VPS13A: variants seen among roughly 807,000 people sequenced by gnomAD.
VPS13A encodes vacuolar protein sorting 13 homolog A, also known as intermembrane lipid transfer protein VPS13A.
In VPS13A, 264 loss-of-function variants were observed where a neutral mutation model predicts 390.9. That is an observed-to-expected ratio of 0.68 (90% CI 0.61 to 0.75). VPS13A has a LOEUF of 0.75. VPS13A is among the 30% of genes least tolerant of loss of function. VPS13A has a pLI of 0.00. For missense variants in VPS13A, 3,409 were observed against 3,733.9 expected, an observed-to-expected ratio of 0.91 and a Z score of 2.27; for synonymous variants, 1,231 against 1,227.1, an observed-to-expected ratio of 1.00 and a Z score of -0.07.
At chr9:77,213,928 C>T (rs1826112400) in intron 9 of VPS13A, among the ~76,000 whole-genome samples, 1 of 151,996 alleles carries the variant, frequency 6.6e-6, no homozygotes. Flanking sequence ...TTTAAAATTG[C>T]TTTTAAACAT....
Position 77,420,643 on chromosome 9 carries a change from A to G in VPS13A, c.*4637A>G, listed in dbSNP as rs1036321577. 2 of 152,218 alleles carry G rather than the reference A, an allele frequency of 1.3e-5. No individual in the cohort carries two copies. Among genetic ancestry groups the G allele is most frequent in the African/African-American group, 4.8e-5 (2 of 41,450 alleles). 9.4% of individuals were successfully genotyped at this position (152,218 alleles called of 1,614,324 possible). On this transcript the variant is annotated 3_prime_UTR_variant, in exon 72 of 72. Coordinates refer to ENST00000360280, the MANE Select transcript of VPS13A (RefSeq NM_033305.3). Reference sequence around the variant, plus strand: ...CTATGATGATAGATATCACACTGCTATGATAGAAAATCCCTGTCTGTCATT... The same window carrying G: ...CTATGATGATAGATATCACACTGCTGTGATAGAAAATCCCTGTCTGTCATT...
intron 23 of VPS13A, 70 bp downstream of exon 23, chr9:77,260,294 C>T (rs1344929834): frequency 4.0e-6 from 6 of 1,506,122 alleles, no homozygotes; most frequent in Non-Finnish European, 5.4e-6. Context: ...CAAACAATCA[C>T]AGGAATTTTA....
At position 77,193,612 on chromosome 9, in the gene VPS13A, C is replaced by T. The variant is rs536972889; in HGVS notation, c.101-6333C>T. ...TCATGCCACTGCACTCCAGCCTGGG[C>T]GACAGGGCAAAACTCTCTCTTCAAA... is the stretch of plus-strand genomic sequence containing the variant. On this transcript the variant is annotated intron_variant, in intron 1 of 71. Transcript: ENST00000360280. Among the ~76,000 whole-genome samples, 5 of 152,166 alleles carry T rather than the reference C, an allele frequency of 3.3e-5. No homozygotes were observed. In the East Asian group the frequency reaches 9.6e-4, roughly 29 times the overall value.
chr9:77,277,324 G>T (rs775198511), intron 26 of VPS13A, among the ~76,000 whole-genome samples: 18 of 152,130 alleles, frequency 1.2e-4, no homozygotes, highest in Non-Finnish European at 2.6e-4. Context: ...AAGGTACAGA[G>T]ATTTCCCATA....
At chr9:77,401,867 G>A (rs1235906702) in intron 68 of VPS13A, among the ~76,000 whole-genome samples, 1 of 152,038 alleles carries the variant, frequency 6.6e-6, no homozygotes, top group African/African-American at 2.4e-5. Flanking sequence ...TTTTATTACA[G>A]TATAATTGTT....
At chr9:77,213,585 C>T (rs1439173948) in intron 9 of VPS13A, among the ~76,000 whole-genome samples, 1 of 151,164 alleles carries the variant, frequency 6.6e-6, no homozygotes, top group Non-Finnish European at 1.5e-5. Flanking sequence ...CAGCTTCTAA[C>T]TCTTGGGCTC....
At chr9:77,317,440 G>C (rs1829464955) in intron 39 of VPS13A, among the ~76,000 whole-genome samples, 166 bp from the exon 40 acceptor site, 1 of 152,032 alleles carries the variant, frequency 6.6e-6, no homozygotes, top group Non-Finnish European at 1.5e-5. Context: ...TTAGGTTCTA[G>C]ATGTCCTTTA....
intron 23 of VPS13A, among the ~76,000 whole-genome samples, chr9:77,270,301 G>T (rs1826272037): frequency 6.6e-6 from 1 of 152,162 alleles, no homozygotes; most frequent in African/African-American, 2.4e-5. Context: ...ACCTCAAGTG[G>T]AAATGAGGAA....
chr9:77,339,647 C>T lies in VPS13A; in HGVS notation c.6510C>T (p.His2170=). 1.2e-6 allele frequency: 2 copies of T among 1,613,954 alleles called. No individual in the cohort carries two copies. Among genetic ancestry groups the T allele is most frequent in the South Asian group, 1.1e-5 (1 of 91,072 alleles). ...ATCACGATTGGAAAAGTGAATATCACATAAAGCCTAATCAGCAAGACATTA... is the reference window on the plus strand; with the variant it reads ...ATCACGATTGGAAAAGTGAATATCATATAAAGCCTAATCAGCAAGACATTA... ...YLNHDWKSEY[H]IKPNQQDISF... is the part of the protein sequence containing the mutation. The change falls in exon 48 of 72, where the codon CAC becomes CAT. Residue 2170 remains histidine (H), a synonymous_variant. Transcript: ENST00000360280.
intron 22 of VPS13A, among the ~76,000 whole-genome samples, chr9:77,253,351 G>C (rs1267572384): frequency 1.3e-5 from 2 of 152,012 alleles, no homozygotes; most frequent in East Asian, 1.9e-4. Flanking sequence ...TGTCACCCAG[G>C]CTGGAGTGCA....
chr9:77,233,193 C>T (rs1012009289), intron 17 of VPS13A, among the ~76,000 whole-genome samples: 6 of 151,892 alleles, frequency 4.0e-5, no homozygotes, highest in African/African-American at 1.5e-4. Context: ...TTTGTTGGTA[C>T]TGTTTTTTGC....
At chr9:77,181,304 C>A (rs1461180459) in intron 1 of VPS13A, among the ~76,000 whole-genome samples, 1 of 151,874 alleles carries the variant, frequency 6.6e-6, no homozygotes, top group Admixed American at 6.6e-5. Context: ...GGGTGGATCA[C>A]TTCAGACCAG....
chr9:77,234,839 G>A (rs1291541301), intron 17 of VPS13A, among the ~76,000 whole-genome samples: 1 of 151,816 alleles, frequency 6.6e-6, no homozygotes, highest in Non-Finnish European at 1.5e-5. Context: ...TCATTTTGTT[G>A]AGGGCTACTA....
chr9:77,197,249 G>A (rs1825057855), intron 1 of VPS13A, among the ~76,000 whole-genome samples: 1 of 152,124 alleles, frequency 6.6e-6, no homozygotes, highest in African/African-American at 2.4e-5. Context: ...GTTGGTGGGT[G>A]GAGTGTTCTG....
At chr9:77,399,167 TAAAAAAA>T (rs763173093) in intron 68 of VPS13A, among the ~76,000 whole-genome samples, 3 of 86,122 alleles carry the variant, frequency 3.5e-5, no homozygotes, top group East Asian at 6.5e-4. Flanking sequence ...TAGAGTATAA[TAAAAAAA>T]AAAAAATAAA....
chr9:77,411,782 C>A (rs543695812), intron 71 of VPS13A, among the ~76,000 whole-genome samples: 1 of 150,240 alleles, frequency 6.7e-6, no homozygotes, highest in African/African-American at 2.5e-5. Context: ...ACACAAAAAA[C>A]CCTTCAAAAA....
intron 10 of VPS13A, among the ~76,000 whole-genome samples, chr9:77,218,807 T>C (rs1316674198): frequency 6.6e-6 from 1 of 152,136 alleles, no homozygotes; most frequent in Admixed American, 6.5e-5. Flanking sequence ...GGCTGTAGCA[T>C]GGATTTGGAT....
intron 1 of VPS13A, among the ~76,000 whole-genome samples, chr9:77,181,663 G>A (rs1824026484): frequency 6.6e-6 from 1 of 152,036 alleles, no homozygotes; most frequent in Non-Finnish European, 1.5e-5. Flanking sequence ...TTCAATATTA[G>A]CATGTTACTA....
chr9:77,272,439 A>G (rs1174162270), intron 23 of VPS13A, among the ~76,000 whole-genome samples: 1 of 152,246 alleles, frequency 6.6e-6, no homozygotes, highest in Non-Finnish European at 1.5e-5. Flanking sequence ...TCTATAAGCA[A>G]CACAGATACT....
Sources: allele counts gnomAD v4.1 joint callset (sites outside exome capture counted in the v4.1 genomes callset), GRCh38; gene constraint gnomAD v4.1.1; transcripts MANE v1.5; gene names NCBI Gene and HGNC (gene_info 2026-07-23, HGNC 2026-07-21).